Variants in GEMIN8 observed in about 807,000 individuals in gnomAD.
GEMIN8 encodes gem nuclear organelle associated protein 8, also known as gem-associated protein 8.
For missense variants in GEMIN8, 185 were observed against 205.9 expected (o/e 0.90, Z 0.62); for synonymous variants, 80 against 78.5 (o/e 1.02, Z -0.10).
rs756410738 is a variant in GEMIN8 at position 14,021,466 on chromosome X, T to C, written c.13A>G (p.Lys5Glu). The change falls in exon 3 of 5, where the codon AAG becomes GAG. Residue 5 changes from lysine to glutamate, a missense_variant and splice_region_variant. By Grantham distance (56) the Lys-to-Glu change is moderately conservative. Coordinates refer to ENST00000680255, the MANE Select transcript of GEMIN8 (RefSeq NM_001042479.2). MAAV[K>E]ASTSKATRPW... The stretch of plus-strand genomic sequence containing the variant: ...AAATAAAAAAATAAAAATCTTACCT[T>C]TACCGCTGCCATCTCTGATTGTGAA... The C allele has an allele frequency of 4.5e-6, 5 of 1,112,789 alleles. No individual in the cohort carries two copies. Among genetic ancestry groups the C allele is most frequent in the Non-Finnish European group, 5.0e-6 (4 of 807,689 alleles). 91.7% of individuals were successfully genotyped at this position (1,112,789 alleles called of 1,213,427 possible). A position where few individuals can be genotyped will look rare whatever the true frequency, so the allele number is the denominator to read the frequency against.
At chrX:14,021,851 A>G (rs1167210242) in intron 2 of GEMIN8, among the ~76,000 whole-genome samples, 1 of 95,527 alleles carries the variant, frequency 1.0e-5, no homozygotes, top group Non-Finnish European at 2.0e-5. Flanking sequence ...TATAGTATAT[A>G]TATACTGATA....
intron 4 of GEMIN8, among the ~76,000 whole-genome samples, chrX:14,015,368 A>C (rs1218690864): frequency 8.9e-6 from 1 of 112,955 alleles, no homozygotes; most frequent in Non-Finnish European, 1.9e-5. Context: ...AAACTTTCTC[A>C]TAAGTTATTT....
the GEMIN8 span, among the ~76,000 whole-genome samples, chrX:13,985,036 A>C: frequency 9.0e-6 from 1 of 111,617 alleles, no homozygotes; most frequent in Non-Finnish European, 1.9e-5. Flanking sequence ...GGTCTGCTAC[A>C]GGAGGAAAAG....
the GEMIN8 span, among the ~76,000 whole-genome samples, chrX:13,985,202 C>T: frequency 1.8e-5 from 2 of 111,455 alleles, no homozygotes; most frequent in Admixed American, 1.9e-4. Context: ...TCCAAATTTG[C>T]CTGCCCACTT....
At chrX:14,014,256 G>A (rs73197752) in intron 4 of GEMIN8, 649 of 750,672 alleles carry the variant, frequency 8.6e-4, no homozygotes, top group Non-Finnish European at 9.9e-4. Context: ...TAGCACAACC[G>A]AGGGAAAGCA....
chrX:13,997,153 G>A, the GEMIN8 span, among the ~76,000 whole-genome samples: 3 of 110,208 alleles, frequency 2.7e-5, no homozygotes, highest in African/African-American at 6.6e-5. Context: ...TGTTGGCCAG[G>A]ATGGTCTCAA....
At chrX:13,994,392 C>T in the GEMIN8 span, among the ~76,000 whole-genome samples, 1 of 112,156 alleles carries the variant, frequency 8.9e-6, no homozygotes, top group Non-Finnish European at 1.9e-5. Flanking sequence ...GCTTCTCCTC[C>T]CCTCAGTTCC....
chrX:13,995,732 T>TA, the GEMIN8 span, among the ~76,000 whole-genome samples: 12 of 111,751 alleles, frequency 1.1e-4, no homozygotes, highest in Admixed American at 3.8e-4. Flanking sequence ...TCTTTGACTC[T>TA]GACCCACCTC....
chrX:14,008,861 G>C lies in GEMIN8; in HGVS notation c.*52C>G, dbSNP rs1222579523. 67 of 1,117,394 alleles carry C rather than the reference G, an allele frequency of 6.0e-5. No individual in the cohort carries two copies. Among genetic ancestry groups the C allele is most frequent in the Non-Finnish European group, 4.5e-5 (37 of 819,254 alleles). The allele number at this position is 1,117,394 out of a possible 1,213,427, so 92.1% of individuals were successfully genotyped here. On this transcript the variant is annotated 3_prime_UTR_variant, in exon 5 of 5. Coordinates refer to ENST00000680255, the MANE Select transcript of GEMIN8 (RefSeq NM_001042479.2). Reference sequence around the variant, plus strand: ...AGAAATGTACAGAAGGAGAGATAAAGAGCGTGTACCCAAAAGGAAGAAGGA... The same window carrying C: ...AGAAATGTACAGAAGGAGAGATAAACAGCGTGTACCCAAAAGGAAGAAGGA...
the GEMIN8 span, among the ~76,000 whole-genome samples, chrX:13,994,852 T>C: frequency 3.6e-5 from 4 of 112,447 alleles, no homozygotes; most frequent in African/African-American, 1.3e-4. Flanking sequence ...GATTTCTGCA[T>C]GTATTAGTCA....
At chrX:13,988,020 T>C in the GEMIN8 span, among the ~76,000 whole-genome samples, 4 of 111,820 alleles carry the variant, frequency 3.6e-5, no homozygotes, top group Non-Finnish European at 5.6e-5. Context: ...TCACAAGTCA[T>C]TGGGCAGGAC....
chrX:13,992,507 T>C, the GEMIN8 span, among the ~76,000 whole-genome samples: 1 of 110,173 alleles, frequency 9.1e-6, no homozygotes, highest in Non-Finnish European at 1.9e-5. Context: ...CATAGAGGGG[T>C]AGAGGAATCC....
the GEMIN8 span, among the ~76,000 whole-genome samples, chrX:13,991,007 C>G: frequency 8.9e-6 from 1 of 112,854 alleles, no homozygotes; most frequent in Non-Finnish European, 1.9e-5. Context: ...GCTGAGATTA[C>G]AGGTGTGAGC....
chrX:14,024,977 T>G (rs1422962289), intron 2 of GEMIN8, among the ~76,000 whole-genome samples: 2 of 111,826 alleles, frequency 1.8e-5, no homozygotes, highest in African/African-American at 3.3e-5. Context: ...TAGACTGTGC[T>G]CATCTCACTC....
At chrX:14,014,613 A>G in intron 4 of GEMIN8, 1 of 543,319 alleles carries the variant, frequency 1.8e-6, no homozygotes, top group Non-Finnish European at 2.2e-6. Context: ...CTCATTGACT[A>G]AAGCAAGACA....
intron 2 of GEMIN8, among the ~76,000 whole-genome samples, chrX:14,022,853 C>T (rs1043875732): frequency 8.9e-6 from 1 of 112,215 alleles, no homozygotes; most frequent in Non-Finnish European, 1.9e-5. Context: ...ACAAACTTTA[C>T]TTGTTTTATA....
chrX:14,012,858 G>C (rs1166191924), intron 4 of GEMIN8, among the ~76,000 whole-genome samples: 3 of 62,196 alleles, frequency 4.8e-5, no homozygotes, highest in African/African-American at 1.9e-4. Context: ...GAGGGGCTAT[G>C]GGGGGGGGCA....
chrX:14,001,806 C>T (rs1922981300), downstream of GEMIN8, among the ~76,000 whole-genome samples: 1 of 108,171 alleles, frequency 9.2e-6, no homozygotes, highest in Middle Eastern at 4.8e-3. Flanking sequence ...CCACCATGCC[C>T]GGCCCCAACA....
chrX:13,993,375 A>T, the GEMIN8 span, among the ~76,000 whole-genome samples: 1 of 109,904 alleles, frequency 9.1e-6, no homozygotes, highest in Non-Finnish European at 1.9e-5. Flanking sequence ...AAACACTGGC[A>T]CAGTCACCTT....
Sources: allele counts gnomAD v4.1 joint callset (sites outside exome capture counted in the v4.1 genomes callset), GRCh38; gene constraint gnomAD v4.1.1; transcripts MANE v1.5; gene names NCBI Gene and HGNC (gene_info 2026-07-23, HGNC 2026-07-21).